Variants in PRKAR1B observed in about 807,000 individuals in gnomAD.
PRKAR1B encodes cAMP-dependent protein kinase type I-beta regulatory subunit.
In PRKAR1B, 22 loss-of-function variants were observed where a neutral mutation model predicts 46.5. The ratio of observed to expected loss-of-function variants is 0.47; its 90% CI spans 0.34 to 0.68. PRKAR1B has a LOEUF of 0.68. Among genes scored for constraint, PRKAR1B ranks in the 30% least tolerant of loss-of-function variants. The pLI is 0.01. For synonymous variants in PRKAR1B, 259 were observed against 217.7 expected (o/e 1.19, Z -1.67); for missense variants, 445 against 535.6 (o/e 0.83, Z 1.67).
At chr7:618,237 G>A (rs965227949) in intron 4 of PRKAR1B, among the ~76,000 whole-genome samples, 8 of 152,238 alleles carry the variant, frequency 5.3e-5, no homozygotes, top group African/African-American at 1.7e-4. Context: ...CGCCGTTCCC[G>A]ACAGGCCCAC....
intron 9 of PRKAR1B, among the ~76,000 whole-genome samples, chr7:575,035 G>A (rs551810461): frequency 6.6e-6 from 1 of 152,240 alleles, no homozygotes; most frequent in Non-Finnish European, 1.5e-5. Context: ...TCAGTAGCGA[G>A]AACTGGTGAT....
At chr7:682,511 C>A (rs904354360) in intron 2 of PRKAR1B, among the ~76,000 whole-genome samples, 1 of 151,944 alleles carries the variant, frequency 6.6e-6, no homozygotes, top group Non-Finnish European at 1.5e-5. Flanking sequence ...TTTGGGAGGC[C>A]GAGATGGGTG....
chr7:701,858 A>G (rs1780082975), intron 2 of PRKAR1B, among the ~76,000 whole-genome samples: 1 of 152,242 alleles, frequency 6.6e-6, no homozygotes, highest in African/African-American at 2.4e-5. Context: ...TCTAAGAGGA[A>G]TGCTAAAGCG....
chr7:557,111 G>C (rs1233751631), intron 9 of PRKAR1B, among the ~76,000 whole-genome samples: 1 of 152,220 alleles, frequency 6.6e-6, no homozygotes, highest in Non-Finnish European at 1.5e-5. Context: ...GGGAGGAGGG[G>C]AGCGCGGTCT....
At chr7:609,651 A>G (rs943920269) in intron 4 of PRKAR1B, among the ~76,000 whole-genome samples, 1 of 152,168 alleles carries the variant, frequency 6.6e-6, no homozygotes, top group Admixed American at 6.5e-5. Context: ...TCACAATTCT[A>G]TTCTCCCTCC....
chr7:603,930 T>C (rs1295296421), intron 6 of PRKAR1B, among the ~76,000 whole-genome samples: 1 of 148,592 alleles, frequency 6.7e-6, no homozygotes, highest in Non-Finnish European at 1.5e-5. Flanking sequence ...AGAGGGGCTA[T>C]AAGTAGTAGC....
At chr7:580,155 C>T (rs113933416) in intron 8 of PRKAR1B, among the ~76,000 whole-genome samples, 2 of 149,354 alleles carry the variant, frequency 1.3e-5, no homozygotes, top group Non-Finnish European at 3.0e-5. Flanking sequence ...CACTTGAGCG[C>T]GGGAGGTCGC....
chr7:596,012 C>T, intron 7 of PRKAR1B, 134 bp downstream of exon 7: 2 of 1,180,754 alleles, frequency 1.7e-6, no homozygotes, highest in Non-Finnish European at 2.3e-6. Context: ...ACTCCTCTCA[C>T]AGGCCAGATC....
chr7:649,143 G>A (rs941961533), intron 4 of PRKAR1B, among the ~76,000 whole-genome samples: 1 of 152,056 alleles, frequency 6.6e-6, no homozygotes, highest in African/African-American at 2.4e-5. Context: ...CAGCCTGGGT[G>A]ACAGAGTGAG....
intron 4 of PRKAR1B, 67 bp from the exon 5 acceptor site, chr7:607,519 T>A: frequency 7.5e-7 from 1 of 1,331,640 alleles, no homozygotes; most frequent in Non-Finnish European, 1.1e-6. Flanking sequence ...CTTCCTCCCC[T>A]CATTTCACAG....
intron 8 of PRKAR1B, among the ~76,000 whole-genome samples, chr7:583,412 ACCCACGCACACACGCACACACCCACAG>A (rs1250327558): frequency 4.9e-5 from 3 of 61,260 alleles, no homozygotes; most frequent in South Asian, 3.2e-4. Flanking sequence ...ACGTGTGCAC[ACCCACGCACACACGCACACACCCACAG>A]TGCACACTCA....
chr7:584,814 G>A (rs950543882), intron 7 of PRKAR1B, among the ~76,000 whole-genome samples: 1 of 152,120 alleles, frequency 6.6e-6, no homozygotes, highest in African/African-American at 2.4e-5. Context: ...GTCCTGGCTG[G>A]CAGCAGAGTT....
intron 9 of PRKAR1B, among the ~76,000 whole-genome samples, chr7:558,551 T>C (rs576349657): frequency 2.0e-4 from 30 of 151,826 alleles, no homozygotes; most frequent in Non-Finnish European, 3.4e-4. Context: ...AGGTCAGTAG[T>C]TCGAGGCCAG....
In PRKAR1B at chr7:690,797, A is replaced by AG. The variant is rs1157596408; in HGVS notation, c.178-10072_178-10071insC. On this transcript the variant is annotated intron_variant, in intron 2 of 10. Transcript: ENST00000537384. ...CTGATGCCTGGGGCTGTAAAAAAAAACAAAAAAACACAACACCCAGCAGTC... is the reference window on the plus strand; with the variant it reads ...CTGATGCCTGGGGCTGTAAAAAAAAAGCAAAAAAACACAACACCCAGCAGTC... Among the ~76,000 whole-genome samples the AG allele has an allele frequency of 9.1e-4, 139 of 152,106 alleles. 1 individual carries two copies. The highest frequency in any genetic ancestry group is 1.6e-4 in the Non-Finnish European group (11 of 68,024).
rs144132808 is a variant in PRKAR1B, at chr7:632,320, C to G, written c.441-24868G>C. On this transcript the variant is annotated intron_variant, in intron 4 of 10. Transcript: ENST00000537384. ...CTCAAGGGGCGTGGAGACCACCCAC[C>G]TCGCCGAAGCCGGCACCGGCTTCGC... is the stretch of plus-strand genomic sequence containing the variant. Among the ~76,000 whole-genome samples the G allele has an allele frequency of 7.4e-3, 1,128 of 152,254 alleles. 8 individuals are homozygous for G. The highest frequency in any genetic ancestry group is 0.026 in the African/African-American group (1,063 of 41,554).
chr7:641,303 A>T (rs1268422816), intron 4 of PRKAR1B, among the ~76,000 whole-genome samples: 3 of 152,214 alleles, frequency 2.0e-5, no homozygotes, highest in Non-Finnish European at 4.4e-5. Flanking sequence ...TTCCACTCCT[A>T]GGAATCTACT....
At chr7:581,570 T>A (rs1780187481) in intron 8 of PRKAR1B, among the ~76,000 whole-genome samples, 1 of 152,242 alleles carries the variant, frequency 6.6e-6, no homozygotes, top group South Asian at 2.1e-4. Flanking sequence ...AGGAAGTTCA[T>A]TTCCACATAT....
At chr7:569,673 C>T (rs914382097) in intron 9 of PRKAR1B, among the ~76,000 whole-genome samples, 1 of 152,218 alleles carries the variant, frequency 6.6e-6, no homozygotes, top group Non-Finnish European at 1.5e-5. Flanking sequence ...CGCTGGAGCA[C>T]TCAGGAGCCT....
intron 4 of PRKAR1B, among the ~76,000 whole-genome samples, chr7:630,333 G>T (rs1482109935): frequency 6.6e-6 from 1 of 152,196 alleles, no homozygotes; most frequent in Non-Finnish European, 1.5e-5. Flanking sequence ...TGGTCCTGTT[G>T]TCAAAACTGG....
Sources: allele counts gnomAD v4.1 joint callset (sites outside exome capture counted in the v4.1 genomes callset), GRCh38; gene constraint gnomAD v4.1.1; transcripts MANE v1.5; gene names NCBI Gene and HGNC (gene_info 2026-07-23, HGNC 2026-07-21).